The following CCR3 variants were observed in gnomAD, a reference collection of about 807,000 sequenced individuals.
CCR3 encodes C-C chemokine receptor type 3.
For missense variants in CCR3, 419 were observed against 437.5 expected, an observed-to-expected ratio of 0.96 and a Z score of 0.38; for synonymous variants, 203 against 179.2, an observed-to-expected ratio of 1.13 and a Z score of -1.06.
chr3:46,212,309 T>C (rs1699723784), intron 2 of CCR3, among the ~76,000 whole-genome samples: 1 of 152,168 alleles, frequency 6.6e-6, no homozygotes, highest in Non-Finnish European at 1.5e-5. Context: ...TGGGGCACAC[T>C]GTCTGCATGA....
intron 2 of CCR3, among the ~76,000 whole-genome samples, chr3:46,221,852 G>T (rs1192869564): frequency 6.6e-6 from 1 of 152,030 alleles, no homozygotes; most frequent in African/African-American, 2.4e-5. Context: ...GACAAAGAAG[G>T]GGGTCCATGA....
intron 1 of CCR3, among the ~76,000 whole-genome samples, chr3:46,258,614 A>G (rs1434509299): frequency 6.6e-6 from 1 of 152,148 alleles, no homozygotes; most frequent in Admixed American, 6.6e-5. Flanking sequence ...TGGTTACTAC[A>G]TGTTGCTTTC....
At chr3:46,238,060 T>C (rs979075954), upstream of CCR3, among the ~76,000 whole-genome samples, 2 of 152,252 alleles carry the variant, frequency 1.3e-5, no homozygotes, top group African/African-American at 2.4e-5. Flanking sequence ...ACTGCTTTAC[T>C]TGAAAGTTGC....
intron 2 of CCR3, among the ~76,000 whole-genome samples, chr3:46,215,401 C>T (rs889911089): frequency 4.6e-5 from 7 of 152,050 alleles, no homozygotes; most frequent in African/African-American, 1.7e-4. Context: ...AAGGTTAGAC[C>T]CAGGAATCTG....
At chr3:46,231,113 A>C (rs535826944) in intron 2 of CCR3, among the ~76,000 whole-genome samples, 6 of 152,186 alleles carry the variant, frequency 3.9e-5, no homozygotes, top group Admixed American at 2.0e-4. Flanking sequence ...TTAGTAGAGA[A>C]GGGGTTTCAC....
intron 2 of CCR3, among the ~76,000 whole-genome samples, chr3:46,229,704 A>G (rs1225449843): frequency 1.3e-5 from 2 of 152,202 alleles, no homozygotes; most frequent in Non-Finnish European, 2.9e-5. Flanking sequence ...CATTAAATTG[A>G]TGTAGTTTAT....
upstream of CCR3, among the ~76,000 whole-genome samples, chr3:46,237,914 T>G (rs892358107): frequency 1.3e-5 from 2 of 152,234 alleles, no homozygotes; most frequent in African/African-American, 4.8e-5. Flanking sequence ...GATTTTGATC[T>G]TCTTACCACC....
chr3:46,266,184 C>T lies in CCR3; in HGVS notation c.1026C>T (p.Val342=). The change falls in exon 2 of 2, where the codon GTC becomes GTT. Residue 342 remains valine, a synonymous_variant. Transcript: ENST00000395940. Reference sequence around the variant, plus strand: ...AGAAGCTGGAAAGAACCAGCTCTGTCTCTCCATCCACAGCAGAGCCGGAAC... The same window carrying T: ...AGAAGCTGGAAAGAACCAGCTCTGTTTCTCCATCCACAGCAGAGCCGGAAC... ...PSEKLERTSS[V]SPSTAEPELS... 2.5e-6 allele frequency: 4 copies of T among 1,613,850 alleles called. No homozygotes were observed. The highest frequency in any genetic ancestry group is 3.4e-6 in the Non-Finnish European group (4 of 1,179,794).
chr3:46,211,197 C>CT lies in CCR3; in HGVS notation c.-68+310dup, dbSNP rs757345795. ...GTCTGGAATGGGGCCTGAGAATTTA[C>CT]TTTTTTTTTTTTTTTTTTTTAGACA... On this transcript the variant is annotated intron_variant, in intron 2 of 3. Coordinates refer to the CCR3 transcript ENST00000357422. 5.8e-3 allele frequency among the ~76,000 whole-genome samples: 752 copies of CT among 128,564 alleles called. 6 individuals carry two copies. The highest frequency in any genetic ancestry group is 0.053 in the East Asian group (240 of 4,520). The allele number at this position is 128,564 out of a possible 152,430, so 84.3% of individuals were successfully genotyped here.
At chr3:46,247,101 A>G (rs1048853636) in intron 1 of CCR3, among the ~76,000 whole-genome samples, 1 of 152,210 alleles carries the variant, frequency 6.6e-6, no homozygotes. Flanking sequence ...GAGATTCAGC[A>G]TAGTCCTGCC....
In CCR3 at chr3:46,265,896, G is replaced by A. The variant is rs201531648; in HGVS notation, c.738G>A (p.Ala246=). 68 of 1,613,960 alleles carry A rather than the reference G, an allele frequency of 4.2e-5. No homozygotes were observed. The South Asian group carries it at 4.9e-4, about 12-fold the overall frequency. ...KAIRLIFVIM[A]VFFIFWTPYN... ...TCCGGCTCATTTTTGTCATCATGGC[G>A]GTGTTTTTCATTTTCTGGACACCCT... The change falls in exon 2 of 2, where the codon GCG becomes GCA. Residue 246 remains alanine (A), a synonymous_variant. Transcript: ENST00000395940.
intron 2 of CCR3, among the ~76,000 whole-genome samples, chr3:46,211,346 A>C (rs1699711436): frequency 6.6e-6 from 1 of 151,042 alleles, no homozygotes; most frequent in Non-Finnish European, 1.5e-5. Context: ...CCACAGGTGC[A>C]TGGCACCACA....
intron 2 of CCR3, among the ~76,000 whole-genome samples, chr3:46,221,100 C>T (rs1414977261): frequency 3.3e-5 from 5 of 152,252 alleles, no homozygotes; most frequent in African/African-American, 4.8e-5. Context: ...GACCCACCTT[C>T]GCCTTAGTGA....
chr3:46,223,489 C>T (rs1423814042), intron 2 of CCR3, among the ~76,000 whole-genome samples: 1 of 152,214 alleles, frequency 6.6e-6, no homozygotes, highest in Non-Finnish European at 1.5e-5. Context: ...ATGCCCAATC[C>T]TTTTTCATAT....
chr3:46,262,878 T>G (rs1206935977), intron 1 of CCR3, among the ~76,000 whole-genome samples: 1 of 152,168 alleles, frequency 6.6e-6, no homozygotes, highest in Non-Finnish European at 1.5e-5. Flanking sequence ...TGGTCTTGAA[T>G]TCCTGGGCTC....
At chr3:46,213,942 T>A (rs1252554526) in intron 2 of CCR3, among the ~76,000 whole-genome samples, 5 of 152,194 alleles carry the variant, frequency 3.3e-5, no homozygotes, top group Non-Finnish European at 7.3e-5. Context: ...CCTTTGCTCT[T>A]TTCTGATCCT....
At chr3:46,246,820 T>C (rs1448988752) in intron 1 of CCR3, among the ~76,000 whole-genome samples, 1 of 151,922 alleles carries the variant, frequency 6.6e-6, no homozygotes, top group African/African-American at 2.4e-5. Context: ...GGAGAGAGAA[T>C]GGGCGATGTT....
At chr3:46,245,981 G>T (rs1156858979) in intron 1 of CCR3, among the ~76,000 whole-genome samples, 2 of 152,072 alleles carry the variant, frequency 1.3e-5, no homozygotes, top group Non-Finnish European at 2.9e-5. Flanking sequence ...TCATGCAAAG[G>T]CTATTATTTT....
upstream of CCR3, among the ~76,000 whole-genome samples, chr3:46,241,136 TC>T (rs374964338): frequency 8.8e-3 from 1,328 of 150,384 alleles, 12 homozygotes; most frequent in Middle Eastern, 0.041. Flanking sequence ...CCCTATTCTT[TC>T]TCTCTCTCTC....
Sources: allele counts gnomAD v4.1 joint callset (sites outside exome capture counted in the v4.1 genomes callset), GRCh38; gene constraint gnomAD v4.1.1; transcripts MANE v1.5; gene names NCBI Gene and HGNC (gene_info 2026-07-23, HGNC 2026-07-21).